NOS1AP: variants seen among roughly 807,000 people sequenced by gnomAD.
The protein encoded by NOS1AP is nitric oxide synthase 1 adaptor protein, also known as carboxyl-terminal PDZ ligand of neuronal nitric oxide synthase protein.
A neutral mutation model predicts 56.2 loss-of-function variants in NOS1AP; 21 were observed. The observed-to-expected ratio is 0.37, with a 90% CI of 0.26 to 0.54. NOS1AP has a LOEUF of 0.54. Ranked by LOEUF, NOS1AP falls within the 20% of genes least tolerant of loss-of-function variation. NOS1AP has a pLI of 0.84. For missense variants in NOS1AP, 522 were observed against 657.8 expected, an observed-to-expected ratio of 0.79 and a Z score of 2.26; for synonymous variants, 270 against 274.6, an observed-to-expected ratio of 0.98 and a Z score of 0.17.
At chr1:162,079,361 T>G (rs1300271502) in intron 1 of NOS1AP, among the ~76,000 whole-genome samples, 1 of 152,256 alleles carries the variant, frequency 6.6e-6, no homozygotes, top group African/African-American at 2.4e-5. Context: ...AGAAACATTT[T>G]CAACTTGTTT....
At chr1:162,110,647 C>T (rs1328280607) in intron 1 of NOS1AP, among the ~76,000 whole-genome samples, 1 of 152,188 alleles carries the variant, frequency 6.6e-6, no homozygotes, top group African/African-American at 2.4e-5. Context: ...ATGGCTTAGG[C>T]TGTTGCTGTC....
At chr1:162,147,128 G>A (rs1025451246) in intron 1 of NOS1AP, among the ~76,000 whole-genome samples, 2 of 152,114 alleles carry the variant, frequency 1.3e-5, no homozygotes, top group African/African-American at 4.8e-5. Flanking sequence ...AGGAGATTGA[G>A]ACCATCCTGG....
At chr1:162,139,637 A>T (rs1215407143) in intron 1 of NOS1AP, among the ~76,000 whole-genome samples, 1 of 152,186 alleles carries the variant, frequency 6.6e-6, no homozygotes, top group Non-Finnish European at 1.5e-5. Flanking sequence ...TCTGTCAGGG[A>T]TGTTTGTTTA....
chr1:162,071,403 A>G lies in NOS1AP; in HGVS notation c.105+1121A>G, dbSNP rs16849182. Among the ~76,000 whole-genome samples, 999 of 152,276 alleles carry G rather than the reference A, an allele frequency of 6.6e-3. 14 individuals are homozygous for G. The highest frequency in any genetic ancestry group is 0.023 in the African/African-American group (952 of 41,550). ...TTCCATCAGGTGTCTTCTTCCTTCAATTCACACATTTTTCGAGTATCTGAC... is the reference window on the plus strand; with the variant it reads ...TTCCATCAGGTGTCTTCTTCCTTCAGTTCACACATTTTTCGAGTATCTGAC... On this transcript the variant is annotated intron_variant, in intron 1 of 9. Transcript: ENST00000361897.
In NOS1AP at chr1:162,154,421, A is replaced by T. The variant is rs1207434900; in HGVS notation, c.122A>T (p.Asp41Val). 1 of 1,614,148 alleles carries T rather than the reference A, an allele frequency of 6.2e-7. No individual in the cohort carries two copies. The highest frequency in any genetic ancestry group is 8.5e-7 in the Non-Finnish European group (1 of 1,180,000). ...CCCCCACAGTACGTAGGAAGCCTGG[A>T]CGTGCCAAGGCCCAACAGCAGGGTG... is the stretch of plus-strand genomic sequence containing the variant. Reference protein sequence around the residue: ...CFEAKYVGSLDVPRPNSRVEI... With the variant: ...CFEAKYVGSLVVPRPNSRVEI... Residue 41 changes from aspartate to valine, a missense_variant, in exon 2 of 10, where the codon GAC (aspartate) becomes GTC (valine). Physicochemically the swap from Asp to Val is radical, Grantham distance 152. Around this residue, in one of 4 missense-constraint regions of NOS1AP, gnomAD observed 132 missense variants for 218.1 expected, o/e 0.61. Coordinates refer to ENST00000361897, the MANE Select transcript of NOS1AP (RefSeq NM_014697.3).
intron 2 of NOS1AP, among the ~76,000 whole-genome samples, chr1:162,234,984 C>T (rs1653240118): frequency 6.6e-6 from 1 of 152,180 alleles, no homozygotes; most frequent in Non-Finnish European, 1.5e-5. Flanking sequence ...GTTCCCTGGG[C>T]TGAGTTTGCT....
chr1:162,224,728 G>A (rs985677667), intron 2 of NOS1AP, among the ~76,000 whole-genome samples: 1 of 152,208 alleles, frequency 6.6e-6, no homozygotes, highest in African/African-American at 2.4e-5. Flanking sequence ...CTTAGGGCAG[G>A]AAAGGAGAGA....
At chr1:162,086,401 A>G (rs965845543) in intron 1 of NOS1AP, among the ~76,000 whole-genome samples, 7 of 152,042 alleles carry the variant, frequency 4.6e-5, no homozygotes, top group African/African-American at 1.7e-4. Context: ...TATCCACTGT[A>G]TATCTGTTAT....
At chr1:162,198,624 G>T (rs1212553423) in intron 2 of NOS1AP, among the ~76,000 whole-genome samples, 3 of 152,210 alleles carry the variant, frequency 2.0e-5, no homozygotes, top group Admixed American at 6.5e-5. Flanking sequence ...CATGGTATTT[G>T]TTAGTGTCAA....
At chr1:162,214,642 T>C (rs1403280924) in intron 2 of NOS1AP, among the ~76,000 whole-genome samples, 1 of 152,242 alleles carries the variant, frequency 6.6e-6, no homozygotes. Context: ...TTTAATTTTG[T>C]GAAGTAGCCT....
At chr1:162,207,881 T>C (rs183119705) in intron 2 of NOS1AP, among the ~76,000 whole-genome samples, 1 of 152,380 alleles carries the variant, frequency 6.6e-6, no homozygotes, top group Admixed American at 6.5e-5. Context: ...TATTAACTTT[T>C]TTAAAAATAA....
intron 1 of NOS1AP, among the ~76,000 whole-genome samples, chr1:162,118,012 C>A (rs1318543175): frequency 6.6e-6 from 1 of 152,210 alleles, no homozygotes; most frequent in African/African-American, 2.4e-5. Flanking sequence ...CCAGGCGTAT[C>A]TCATTGTTCT....
intron 2 of NOS1AP, among the ~76,000 whole-genome samples, chr1:162,159,029 T>C (rs1490063057): frequency 6.6e-6 from 1 of 152,226 alleles, no homozygotes; most frequent in Non-Finnish European, 1.5e-5. Flanking sequence ...CGCCGCTTGC[T>C]TGGAGGTTGC....
intron 4 of NOS1AP, among the ~76,000 whole-genome samples, chr1:162,301,746 T>C (rs1655671074): frequency 6.6e-6 from 1 of 152,214 alleles, no homozygotes; most frequent in Non-Finnish European, 1.5e-5. Flanking sequence ...ATTGGGAGAA[T>C]GGCCATTCCT....
intron 1 of NOS1AP, among the ~76,000 whole-genome samples, chr1:162,106,444 T>G (rs1311613149): frequency 6.6e-6 from 1 of 152,188 alleles, no homozygotes; most frequent in African/African-American, 2.4e-5. Context: ...TTTAAAAACT[T>G]ACATTTTCTT....
At chr1:162,309,880 T>G (rs1335258815) in intron 4 of NOS1AP, among the ~76,000 whole-genome samples, 3 of 152,218 alleles carry the variant, frequency 2.0e-5, no homozygotes, top group African/African-American at 7.2e-5. Flanking sequence ...GCATTATTAT[T>G]TTTTCAAAAT....
intron 2 of NOS1AP, among the ~76,000 whole-genome samples, chr1:162,225,217 G>A (rs1056855891): frequency 1.3e-5 from 2 of 152,180 alleles, no homozygotes; most frequent in Non-Finnish European, 2.9e-5. Context: ...ACTTATTCAC[G>A]AGTTTTGGGT....
intron 2 of NOS1AP, among the ~76,000 whole-genome samples, chr1:162,186,801 G>A (rs1419323539): frequency 1.3e-5 from 2 of 152,168 alleles, no homozygotes; most frequent in African/African-American, 4.8e-5. Flanking sequence ...AATGTTTGTT[G>A]TTTAAGCCAT....
intron 8 of NOS1AP, among the ~76,000 whole-genome samples, chr1:162,362,684 G>A (rs1463027968): frequency 2.0e-5 from 3 of 152,094 alleles, no homozygotes; most frequent in African/African-American, 7.2e-5. Flanking sequence ...GGTTCCTTTC[G>A]ATGCCACTCT....
Sources: gnomAD v4.1 joint callset for allele counts (sites outside exome capture counted in the v4.1 genomes callset) on GRCh38, gnomAD v4.1.1 for gene constraint, gnomAD v4.1.1 regional missense constraint, MANE v1.5 for transcripts, NCBI Gene and HGNC (gene_info 2026-07-23, HGNC 2026-07-21) for gene names.